Variants in NRXN2 observed in about 807,000 individuals in gnomAD.
The protein encoded by NRXN2 is neurexin 2.
Under a neutral mutation model 128.8 loss-of-function variants are expected in NRXN2, and 29 were observed. The observed-to-expected ratio is 0.23, with a 90% CI of 0.17 to 0.31. The LOEUF is 0.31. Among genes scored for constraint, NRXN2 ranks in the 10% least tolerant of loss-of-function variants. The probability of loss-of-function intolerance (pLI) is 1.00; values close to 1 mark genes in which losing one functional copy is unlikely to be tolerated. For synonymous variants in NRXN2, 1,098 were observed against 1,075.2 expected, an observed-to-expected ratio of 1.02 and a Z score of -0.41; for missense variants, 1,881 against 2,452.6, an observed-to-expected ratio of 0.77 and a Z score of 4.92.
At chr11:64,643,242 A>G in intron 17 of NRXN2, 1 of 980,792 alleles carries the variant, frequency 1.0e-6, no homozygotes, top group Non-Finnish European at 1.2e-6. Context: ...TGGAGGAGAG[A>G]AGAGGGACGG....
intron 17 of NRXN2, among the ~76,000 whole-genome samples, chr11:64,644,590 C>CAG (rs1338439758): frequency 2.6e-5 from 4 of 152,184 alleles, no homozygotes; most frequent in African/African-American, 9.7e-5. Flanking sequence ...GAGGTAAGCA[C>CAG]AGAGAGACTC....
intron 1 of NRXN2, among the ~76,000 whole-genome samples, chr11:64,716,986 A>G (rs1416079941): frequency 2.6e-5 from 4 of 150,984 alleles, no homozygotes. Flanking sequence ...CCCAGCCTCC[A>G]ACCCACCCTT....
intron 12 of NRXN2, among the ~76,000 whole-genome samples, chr11:64,653,317 T>G (rs554839128): frequency 6.6e-5 from 10 of 152,032 alleles, no homozygotes; most frequent in Middle Eastern, 3.4e-3. Flanking sequence ...TTCCAGCCCC[T>G]CTCAGGCTCC....
At position 64,692,872 on chromosome 11, in the gene NRXN2, C is replaced by T. The variant is rs146171320; in HGVS notation, c.753G>A (p.Pro251=). 89 of 1,609,442 alleles carry T rather than the reference C, an allele frequency of 5.5e-5. No homozygotes were observed. The highest frequency in any genetic ancestry group is 1.3e-4 in the Admixed American group (8 of 59,484). The change falls in exon 4 of 23, where the codon CCG becomes CCA. Residue 251 remains proline, a synonymous_variant. Transcript: ENST00000265459. ...CTTCGCTGTTTAACGTCAGGTGAGC[C>T]GGACCTTGGAAAGGGGAAGGAGAGA... The part of the protein sequence containing the change: ...CSEEEHPMEG[P]AHLTLNSEVG...
At chr11:64,657,348 C>A (rs1376184142) in intron 11 of NRXN2, among the ~76,000 whole-genome samples, 1 of 152,210 alleles carries the variant, frequency 6.6e-6, no homozygotes, top group Admixed American at 6.5e-5. Context: ...AGCTGGGACC[C>A]CATGGGCACA....
intron 11 of NRXN2, among the ~76,000 whole-genome samples, chr11:64,655,553 G>GA (rs2048148331): frequency 6.6e-6 from 1 of 151,836 alleles, no homozygotes. Flanking sequence ...TCCAAAAAAA[G>GA]AAAAAAGGGG....
intron 7 of NRXN2, among the ~76,000 whole-genome samples, chr11:64,672,630 C>A (rs1041918401): frequency 6.6e-6 from 1 of 152,006 alleles, no homozygotes; most frequent in African/African-American, 2.4e-5. Flanking sequence ...TATCCATGAG[C>A]CAAAGGTGGT....
intron 7 of NRXN2, among the ~76,000 whole-genome samples, chr11:64,673,667 G>A (rs1026535824): frequency 6.7e-6 from 1 of 149,216 alleles, no homozygotes; most frequent in Non-Finnish European, 1.5e-5. Context: ...AGACAGTATT[G>A]TTTACTTTTT....
chr11:64,651,596 G>C lies in NRXN2; in HGVS notation c.2577C>G (p.Asn859Lys). Reference protein sequence around the residue: ...AGAHMRLEFHNIETGIMTERR... With the variant: ...AGAHMRLEFHKIETGIMTERR... ...GCTCCGTCATGATGCCCGTCTCAAT[G>C]TTGTGGAACTCCAGCCGCATATGGG... The change falls in exon 14 of 23, where the codon AAC (asparagine) becomes AAG (lysine). Residue 859 changes from asparagine to lysine, a missense_variant. Asn to Lys is a moderately conservative substitution (Grantham distance 94). Transcript: ENST00000265459. This position sits in a 1 kb window ranked among gnomAD's most constrained non-coding sequence, Gnocchi z 5.9. 2 of 1,614,116 alleles carry C rather than the reference G, an allele frequency of 1.2e-6. No homozygotes were observed. The highest frequency in any genetic ancestry group is 1.7e-6 in the Non-Finnish European group (2 of 1,180,018).
At chr11:64,698,619 A>G (rs1229560793) in intron 2 of NRXN2, among the ~76,000 whole-genome samples, 3 of 152,222 alleles carry the variant, frequency 2.0e-5, no homozygotes, top group Non-Finnish European at 4.4e-5. Context: ...CAGTGGGGGA[A>G]GAGAGTCCAA....
intron 1 of NRXN2, among the ~76,000 whole-genome samples, chr11:64,716,352 A>G (rs899788732): frequency 9.2e-5 from 14 of 151,856 alleles, no homozygotes; most frequent in Admixed American, 9.2e-4. Flanking sequence ...GAGATGGCAG[A>G]CGGGTTCTGT....
chr11:64,652,496 C>T (rs2047612907), intron 12 of NRXN2, among the ~76,000 whole-genome samples: 1 of 152,152 alleles, frequency 6.6e-6, no homozygotes, highest in Non-Finnish European at 1.5e-5. Flanking sequence ...GCCCTGCACA[C>T]AGACACCCAC....
Position 64,632,492 on chromosome 11 carries a change from T to G in NRXN2, c.3586-1919A>C, listed in dbSNP as rs186180700. On this transcript the variant is annotated intron_variant, in intron 18 of 22. Transcript: ENST00000265459. This position sits in a 1 kb window ranked among gnomAD's most constrained non-coding sequence, Gnocchi z 4.2. The stretch of plus-strand genomic sequence containing the variant: ...CAGTCGATCCTCCTCGGTACTATTG[T>G]TAGTAATAATACCACCCAGAATAGT... Among the ~76,000 whole-genome samples the G allele has an allele frequency of 6.6e-6, 1 of 152,260 alleles. No individual in the cohort carries two copies. The highest frequency in any genetic ancestry group is 6.5e-5 in the Admixed American group (1 of 15,300).
chr11:64,627,089 C>T (rs1205177956), intron 19 of NRXN2, among the ~76,000 whole-genome samples: 1 of 152,078 alleles, frequency 6.6e-6, no homozygotes, highest in Non-Finnish European at 1.5e-5. Context: ...ACCACTTCTC[C>T]AGGCCACCTC....
intron 17 of NRXN2, among the ~76,000 whole-genome samples, chr11:64,643,944 T>C (rs2046243608): frequency 8.0e-6 from 1 of 124,340 alleles, no homozygotes; most frequent in South Asian, 2.7e-4. Flanking sequence ...CGGCCACCTC[T>C]GCACCACCCC....
rs976837648 is a variant in NRXN2, at chr11:64,661,407, C to A, written c.1799-268G>T. On this transcript the variant is annotated intron_variant, in intron 9 of 22. Coordinates refer to ENST00000265459, the MANE Select transcript of NRXN2 (RefSeq NM_015080.4). ...GTGGGCCTCTGTCCATACCCCTCCT[C>A]CCCACCTCAGCAAGTCCTCAGAGGA... 2.2e-5 allele frequency: 31 copies of A among 1,378,372 alleles called. No homozygotes were observed. The Admixed American group carries it at 8.7e-4, about 39-fold the overall frequency. 85.4% of individuals were successfully genotyped at this position (1,378,372 alleles called of 1,614,324 possible).
chr11:64,621,026 A>G (rs1262388958), intron 21 of NRXN2, among the ~76,000 whole-genome samples: 1 of 151,940 alleles, frequency 6.6e-6, no homozygotes, highest in Non-Finnish European at 1.5e-5. Context: ...AGACCCAAGG[A>G]GGGAAATCAA....
chr11:64,671,670 G>A (rs527596969), intron 7 of NRXN2, among the ~76,000 whole-genome samples: 5 of 152,214 alleles, frequency 3.3e-5, no homozygotes, highest in East Asian at 3.9e-4. Context: ...GAAGGCGTGC[G>A]GGGCAGGGGC....
intron 22 of NRXN2, among the ~76,000 whole-genome samples, chr11:64,613,626 A>T (rs1413150768): frequency 6.6e-6 from 1 of 151,984 alleles, no homozygotes; most frequent in Non-Finnish European, 1.5e-5. Context: ...TTCCTAAAGC[A>T]CCCTTGGCAG....
Sources: allele counts gnomAD v4.1 joint callset (sites outside exome capture counted in the v4.1 genomes callset), GRCh38; gene constraint gnomAD v4.1.1; non-coding constraint Gnocchi (gnomAD v3.1); transcripts MANE v1.5; gene names NCBI Gene and HGNC (gene_info 2026-07-23, HGNC 2026-07-21).